The following MIGA1 variants were observed in gnomAD, a reference collection of about 807,000 sequenced individuals.
The protein encoded by MIGA1 is family with sequence similarity 73, member A.
A neutral mutation model predicts 82.0 loss-of-function variants in MIGA1; 58 were observed. The observed-to-expected ratio is 0.71, with a 90% confidence interval of 0.57 to 0.88. The LOEUF (loss-of-function observed/expected upper bound fraction) is 0.88. Among genes scored for constraint, MIGA1 ranks in the 40% least tolerant of loss-of-function variants. MIGA1 has a pLI of 0.00. For missense variants in MIGA1, 751 were observed against 749.1 expected (o/e 1.00, Z -0.03); for synonymous variants, 249 against 253.6 (o/e 0.98, Z 0.17).
chr1:77,868,935 T>A lies in MIGA1; in HGVS notation c.1563+2544T>A, dbSNP rs112048013. Among the ~76,000 whole-genome samples the A allele has an allele frequency of 5.0e-3, 750 of 149,476 alleles. 3 individuals carry two copies. The highest frequency in any genetic ancestry group is 0.011 in the African/African-American group (437 of 39,200). On this transcript the variant is annotated intron_variant, in intron 14 of 15. Coordinates refer to ENST00000370791, the MANE Select transcript of MIGA1 (RefSeq NM_198549.4). Reference sequence around the variant, plus strand: ...GCACATTTTCTTTTTTTTTTTAATTTATTTATTTTTTTTTTTTATTGATCA... The same window carrying A: ...GCACATTTTCTTTTTTTTTTTAATTAATTTATTTTTTTTTTTTATTGATCA...
rs1352200443 is a variant in MIGA1, at chr1:77,843,364, C to T, written c.953C>T (p.Thr318Ile). The change falls in exon 8 of 16, where the codon ACC becomes ATC. Residue 318 changes from threonine (T) to isoleucine (I), a missense_variant. By Grantham distance (89) the Thr-to-Ile change is moderately conservative. Around this residue, in one of 3 missense-constraint regions of MIGA1, gnomAD observed 482 missense variants for 439.4 expected, o/e 1.10. Transcript: ENST00000370791. ...GTGGAAGACTTTGGCCTGCGAGACA[C>T]CTTGAGCATCGCATCCACGGATTCC... 41 of 1,613,928 alleles carry T rather than the reference C, an allele frequency of 2.5e-5. No individual in the cohort carries two copies. The highest frequency in any genetic ancestry group is 3.4e-5 in the Non-Finnish European group (40 of 1,179,914).
At chr1:77,826,022 G>C (rs1394982012) in intron 7 of MIGA1, among the ~76,000 whole-genome samples, 2 of 152,102 alleles carry the variant, frequency 1.3e-5, no homozygotes, top group Non-Finnish European at 2.9e-5. Context: ...ATTTAGCATA[G>C]GCACATGGTA....
At chr1:77,779,872 CAGG>C in intron 1 of MIGA1, 136 bp downstream of exon 1, 1 of 1,426,262 alleles carries the variant, frequency 7.0e-7, no homozygotes, top group Non-Finnish European at 9.1e-7. Flanking sequence ...CTCGGAGTGC[CAGG>C]TGGAGCGGCG....
intron 14 of MIGA1, among the ~76,000 whole-genome samples, chr1:77,870,264 G>A (rs1187615185): frequency 1.3e-4 from 16 of 125,314 alleles, no homozygotes; most frequent in Non-Finnish European, 2.5e-4. Context: ...GCTGCCGGGC[G>A]GAGACGCTCC....
chr1:77,869,773 G>A (rs1425499087), intron 14 of MIGA1, among the ~76,000 whole-genome samples: 22 of 110,044 alleles, frequency 2.0e-4, no homozygotes, highest in Non-Finnish European at 3.5e-4. Context: ...CGGGGCGGCT[G>A]GCCGGGCAGA....
Position 77,788,238 on chromosome 1 carries a change from A to G in MIGA1, c.195+4887A>G, listed in dbSNP as rs993330551. On this transcript the variant is annotated intron_variant, in intron 2 of 15. Coordinates refer to ENST00000370791, the MANE Select transcript of MIGA1 (RefSeq NM_198549.4). ...GGCTGGTCTTGAACTCCTGACGTCA[A>G]GTGATCCGCCTGCCTTGGCCTCCCA... Among the ~76,000 whole-genome samples, 3 of 152,266 alleles carry G rather than the reference A, an allele frequency of 2.0e-5. No homozygotes were observed. The South Asian group carries it at 6.2e-4, about 32-fold the overall frequency.
chr1:77,818,793 G>T (rs1385009255), intron 7 of MIGA1, among the ~76,000 whole-genome samples: 3 of 152,028 alleles, frequency 2.0e-5, no homozygotes, highest in Non-Finnish European at 4.4e-5. Flanking sequence ...AATTAGCAGG[G>T]TGTTGGCTGG....
At chr1:77,800,854 T>A (rs1682854478) in intron 2 of MIGA1, among the ~76,000 whole-genome samples, 1 of 152,210 alleles carries the variant, frequency 6.6e-6, no homozygotes, top group Non-Finnish European at 1.5e-5. Flanking sequence ...GTCCTGGTAC[T>A]TTAAGATTCT....
chr1:77,871,125 G>GGGAGGGGGAGAGGGA (rs149246341), intron 14 of MIGA1, among the ~76,000 whole-genome samples: 1 of 74,212 alleles, frequency 1.3e-5, no homozygotes, highest in Non-Finnish European at 2.6e-5. Flanking sequence ...GAGAGGGAGA[G>GGGAGGGGGAGAGGGA]GAGGGAGAGG....
intron 8 of MIGA1, among the ~76,000 whole-genome samples, chr1:77,857,866 T>G (rs1452344142): frequency 6.6e-6 from 1 of 151,890 alleles, no homozygotes; most frequent in Non-Finnish European, 1.5e-5. Flanking sequence ...TATACAAAAG[T>G]TAATCAAAGC....
rs1646897150 is a variant in MIGA1, at chr1:77,876,793, T to C, written c.*1729T>C. 1 of 152,228 alleles carries C rather than the reference T, an allele frequency of 6.6e-6. No homozygotes were observed. Among genetic ancestry groups the C allele is most frequent in the African/African-American group, 2.4e-5 (1 of 41,458 alleles). 9.4% of individuals were successfully genotyped at this position (152,228 alleles called of 1,614,324 possible). ...TATATTTCATGTTCATTATGATAAA[T>C]CTACAAACAAATGAATTGTTTTTAT... On this transcript the variant is annotated 3_prime_UTR_variant, in exon 16 of 16. Transcript: ENST00000370791.
intron 2 of MIGA1, among the ~76,000 whole-genome samples, chr1:77,799,299 A>ACT (rs1682780863): frequency 6.6e-6 from 1 of 152,208 alleles, no homozygotes; most frequent in Admixed American, 6.5e-5. Flanking sequence ...GACATCTAAG[A>ACT]CTTTCTCATA....
intron 7 of MIGA1, among the ~76,000 whole-genome samples, chr1:77,836,015 A>G (rs1684411291): frequency 2.0e-5 from 3 of 152,198 alleles, no homozygotes; most frequent in African/African-American, 7.2e-5. Flanking sequence ...AAAACAAGTT[A>G]AAGTCATAGG....
intron 14 of MIGA1, among the ~76,000 whole-genome samples, chr1:77,866,721 T>C (rs1454820108): frequency 6.6e-6 from 1 of 151,282 alleles, no homozygotes; most frequent in African/African-American, 2.4e-5. Flanking sequence ...TCTGTCTCTG[T>C]TGTCCAGGCT....
intron 2 of MIGA1, among the ~76,000 whole-genome samples, chr1:77,786,288 C>T (rs1682159508): frequency 6.6e-6 from 1 of 152,230 alleles, no homozygotes; most frequent in South Asian, 2.1e-4. Context: ...CCTAGGCCTC[C>T]TGGCTGGTGA....
intron 8 of MIGA1, chr1:77,853,708 AAC>A: frequency 9.3e-4 from 272 of 290,944 alleles, no homozygotes; most frequent in South Asian, 1.9e-3. Context: ...ACAAACAAAC[AAC>A]ACACACACAC....
chr1:77,849,151 A>G (rs773545032), intron 8 of MIGA1, among the ~76,000 whole-genome samples: 1 of 152,142 alleles, frequency 6.6e-6, no homozygotes, highest in Non-Finnish European at 1.5e-5. Flanking sequence ...TGTAATACCA[A>G]CATTTTGGGA....
At chr1:77,859,470 G>A in intron 10 of MIGA1, 84 bp downstream of exon 10, 1 of 882,112 alleles carries the variant, frequency 1.1e-6, no homozygotes, top group Non-Finnish European at 1.9e-6. Context: ...AAACAGGACA[G>A]CTCTGTGCTC....
intron 1 of MIGA1, among the ~76,000 whole-genome samples, chr1:77,782,141 G>A (rs909924415): frequency 1.3e-5 from 2 of 152,002 alleles, no homozygotes; most frequent in Admixed American, 6.6e-5. Flanking sequence ...GTGCCCAGCC[G>A]CAAATAAACT....
Sources: allele counts gnomAD v4.1 joint callset (sites outside exome capture counted in the v4.1 genomes callset), GRCh38; gene constraint gnomAD v4.1.1; regional missense constraint gnomAD v4.1.1; transcripts MANE v1.5; gene names NCBI Gene and HGNC (gene_info 2026-07-23, HGNC 2026-07-21).